The following CLPTM1 variants were observed in gnomAD, a reference collection of about 807,000 sequenced individuals.
CLPTM1 encodes the protein CLPTM1 regulator of GABA type A receptor forward trafficking.
A neutral mutation model predicts 77.3 loss-of-function variants in CLPTM1; 21 were observed. The observed-to-expected ratio is 0.27, with a 90% CI of 0.19 to 0.39. CLPTM1 has a LOEUF of 0.39. Ranked by LOEUF, CLPTM1 falls within the 10% of genes least tolerant of loss-of-function variation. CLPTM1 has a pLI of 1.00. For synonymous variants in CLPTM1, 373 were observed against 381.0 expected, an observed-to-expected ratio of 0.98 and a Z score of 0.24; for missense variants, 642 against 921.2, an observed-to-expected ratio of 0.70 and a Z score of 3.92.
At chr19:44,970,608 G>C (rs111357844) in intron 2 of CLPTM1, among the ~76,000 whole-genome samples, 1 of 145,602 alleles carries the variant, frequency 6.9e-6, no homozygotes, top group Non-Finnish European at 1.5e-5. Context: ...TGTTGCCCAG[G>C]CTGGTCTCAA....
intron 1 of CLPTM1, among the ~76,000 whole-genome samples, chr19:44,957,554 C>T (rs1196062120): frequency 6.6e-6 from 1 of 152,262 alleles, no homozygotes; most frequent in Admixed American, 6.5e-5. Flanking sequence ...AACCTAGCTT[C>T]CTCCTGCTCT....
At chr19:44,974,224 C>G (rs1970769822) in intron 3 of CLPTM1, among the ~76,000 whole-genome samples, 1 of 152,156 alleles carries the variant, frequency 6.6e-6, no homozygotes, top group Non-Finnish European at 1.5e-5. Context: ...TCCAAGTGTT[C>G]TTTGTTCGTT....
At chr19:44,966,208 G>A (rs1346697871) in intron 2 of CLPTM1, among the ~76,000 whole-genome samples, 1 of 152,130 alleles carries the variant, frequency 6.6e-6, no homozygotes, top group Non-Finnish European at 1.5e-5. Flanking sequence ...TTAGGAGATC[G>A]AGACCATCCT....
At chr19:44,963,115 A>T (rs933490372) in intron 2 of CLPTM1, among the ~76,000 whole-genome samples, 5 of 143,770 alleles carry the variant, frequency 3.5e-5, no homozygotes, top group African/African-American at 1.3e-4. Context: ...GGCTGAGGGC[A>T]GGAGAATCGT....
intron 4 of CLPTM1, among the ~76,000 whole-genome samples, chr19:44,976,976 T>C (rs1970814690): frequency 6.6e-6 from 1 of 152,182 alleles, no homozygotes; most frequent in Non-Finnish European, 1.5e-5. Context: ...GTCGGTCAGC[T>C]GCTTCTTCCT....
chr19:44,963,337 T>A (rs903557505), intron 2 of CLPTM1, among the ~76,000 whole-genome samples: 1 of 149,730 alleles, frequency 6.7e-6, no homozygotes, highest in African/African-American at 2.4e-5. Flanking sequence ...TATTTTTTTT[T>A]TTTTTTGAGA....
chr19:44,959,426 T>G (rs1187849469), intron 1 of CLPTM1, among the ~76,000 whole-genome samples: 1 of 152,080 alleles, frequency 6.6e-6, no homozygotes, highest in African/African-American at 2.4e-5. Flanking sequence ...GTGATCCTGG[T>G]TCACTGTAGC....
intron 5 of CLPTM1, among the ~76,000 whole-genome samples, chr19:44,982,606 A>C (rs996229698): frequency 6.6e-6 from 1 of 152,062 alleles, no homozygotes; most frequent in Non-Finnish European, 1.5e-5. Flanking sequence ...CTCCCCCTCC[A>C]CCAGCCAGCG....
intron 2 of CLPTM1, among the ~76,000 whole-genome samples, chr19:44,962,602 A>G (rs1472472712): frequency 1.3e-5 from 2 of 152,052 alleles, no homozygotes; most frequent in African/African-American, 4.8e-5. Flanking sequence ...CTTAGTACCC[A>G]CCATAATGAC....
chr19:44,993,020 C>T lies in CLPTM1; in HGVS notation c.*123C>T, dbSNP rs1281123418. 2.4e-6 allele frequency: 3 copies of T among 1,256,180 alleles called. No homozygotes were observed. Among genetic ancestry groups the T allele is most frequent in the Non-Finnish European group, 2.3e-6 (2 of 888,068 alleles). The allele number at this position is 1,256,180 out of a possible 1,614,324, so 77.8% of individuals were successfully genotyped here. A position where few individuals can be genotyped will look rare whatever the true frequency, so the allele number is the denominator to read the frequency against. ...TCAGGCCGGGGCGGTGGGAGGCCCG[C>T]CTCAGGTCAGGGCCCAGCGTGTGAT... On this transcript the variant is annotated 3_prime_UTR_variant, in exon 14 of 14. Coordinates refer to ENST00000337392, the MANE Select transcript of CLPTM1 (RefSeq NM_001294.4).
At chr19:44,968,137 C>T (rs1370970546) in intron 2 of CLPTM1, among the ~76,000 whole-genome samples, 4 of 152,152 alleles carry the variant, frequency 2.6e-5, no homozygotes, top group Non-Finnish European at 5.9e-5. Flanking sequence ...TAATACAAGT[C>T]ACACTGTAGG....
At chr19:44,988,269 C>G (rs1179626951) in intron 9 of CLPTM1, 96 bp downstream of exon 9, 3 of 918,388 alleles carry the variant, frequency 3.3e-6, no homozygotes, top group Admixed American at 1.8e-5. Flanking sequence ...ATGTCCTCCC[C>G]CTGCCTGGGG....
At chr19:44,977,152 G>C (rs758363872) in intron 4 of CLPTM1, among the ~76,000 whole-genome samples, 191 bp from the exon 5 acceptor site, 1 of 152,142 alleles carries the variant, frequency 6.6e-6, no homozygotes. Context: ...CAGGTAGAGC[G>C]GGCGTCTGAG....
rs1224338981 is a variant in CLPTM1 at position 44,990,621 on chromosome 19, A to C, written c.1323+36A>C. The stretch of plus-strand genomic sequence containing the variant: ...GGCGCCATGCTGTCTCGGGAGCTGC[A>C]GGGGTTGGGAGGGGGTAGTGTGGCC... On this transcript the variant is annotated intron_variant, in intron 10 of 13. Coordinates refer to ENST00000337392, the MANE Select transcript of CLPTM1 (RefSeq NM_001294.4). This position sits in a 1 kb window ranked among gnomAD's most constrained non-coding sequence, Gnocchi z 4.8. 6.2e-7 allele frequency: 1 copy of C among 1,601,240 alleles called. No homozygotes were observed. Among genetic ancestry groups the C allele is most frequent in the Non-Finnish European group, 8.5e-7 (1 of 1,171,764 alleles).
intron 2 of CLPTM1, among the ~76,000 whole-genome samples, chr19:44,967,424 C>T (rs1970651040): frequency 6.6e-6 from 1 of 151,968 alleles, no homozygotes; most frequent in Non-Finnish European, 1.5e-5. Context: ...TTTGGGAGAC[C>T]AAGGTAGGTG....
chr19:44,967,841 A>G (rs1970658411), intron 2 of CLPTM1, among the ~76,000 whole-genome samples: 1 of 152,146 alleles, frequency 6.6e-6, no homozygotes, highest in South Asian at 2.1e-4. Context: ...AATTCCTGCC[A>G]TGTGCCCTAC....
At chr19:44,955,088 G>A (rs771804808), upstream of CLPTM1, 2 of 1,535,746 alleles carry the variant, frequency 1.3e-6, no homozygotes, top group South Asian at 1.2e-5. Flanking sequence ...CCGAAAAGGC[G>A]GGTTAATGTG....
chr19:44,974,673 T>C (rs1970778730), intron 4 of CLPTM1, 76 bp downstream of exon 4: 1 of 1,530,460 alleles, frequency 6.5e-7, no homozygotes, highest in African/African-American at 1.4e-5. Context: ...AGTCCGCTCC[T>C]TGCTGAGAGC....
intron 2 of CLPTM1, among the ~76,000 whole-genome samples, chr19:44,972,724 C>T (rs1335966527): frequency 3.3e-5 from 5 of 152,124 alleles, no homozygotes; most frequent in Non-Finnish European, 7.4e-5. Flanking sequence ...AGTCTCCTCT[C>T]GGGGGATCCC....
Sources: allele counts gnomAD v4.1 joint callset (sites outside exome capture counted in the v4.1 genomes callset), GRCh38; gene constraint gnomAD v4.1.1; non-coding constraint Gnocchi (gnomAD v3.1); transcripts MANE v1.5; gene names NCBI Gene and HGNC (gene_info 2026-07-23, HGNC 2026-07-21).